MYCT1: variants seen among roughly 807,000 people sequenced by gnomAD.
MYCT1 encodes myc target protein 1.
MYCT1 carries 12 observed loss-of-function variants against 15.0 expected under a neutral mutation model. That is an observed-to-expected ratio of 0.80 (90% CI 0.51 to 1.29). The LOEUF (loss-of-function observed/expected upper bound fraction) is 1.29. MYCT1 is among the 50% of genes most tolerant of loss of function. The probability of loss-of-function intolerance (pLI) is 0.00; values close to 1 mark genes in which losing one functional copy is unlikely to be tolerated. For missense variants in MYCT1, 287 were observed against 279.1 expected (o/e 1.03, Z -0.20); for synonymous variants, 104 against 102.7 (o/e 1.01, Z -0.07).
intron 1 of MYCT1, among the ~76,000 whole-genome samples, chr6:152,702,098 G>A (rs2099721422): frequency 6.6e-6 from 1 of 152,114 alleles, no homozygotes; most frequent in East Asian, 1.9e-4. Context: ...CTCATCACAG[G>A]GAGGGCTGGA....
the MYCT1 span, among the ~76,000 whole-genome samples, chr6:152,738,756 T>C: frequency 0.011 from 1,698 of 152,206 alleles, 36 homozygotes; most frequent in African/African-American, 0.038. Flanking sequence ...CTACCATTTG[T>C]TGAGTATTCA....
chr6:152,732,387 T>C, the MYCT1 span, among the ~76,000 whole-genome samples: 1 of 152,216 alleles, frequency 6.6e-6, no homozygotes, highest in South Asian at 2.1e-4. Flanking sequence ...TGATGAGAGT[T>C]GAATTTTCAA....
At chr6:152,700,936 T>C (rs1290049533) in intron 1 of MYCT1, among the ~76,000 whole-genome samples, 1 of 152,190 alleles carries the variant, frequency 6.6e-6, no homozygotes, top group Non-Finnish European at 1.5e-5. Flanking sequence ...CTCAAAAGGA[T>C]TATGCTCTTG....
At chr6:152,717,043 T>A (rs2099723808) in intron 1 of MYCT1, among the ~76,000 whole-genome samples, 1 of 152,172 alleles carries the variant, frequency 6.6e-6, no homozygotes. Context: ...AAATACATTG[T>A]CAAAAGTCTG....
chr6:152,708,307 A>G (rs1429613950), intron 1 of MYCT1, among the ~76,000 whole-genome samples: 3 of 152,042 alleles, frequency 2.0e-5, no homozygotes, highest in Admixed American at 6.6e-5. Context: ...GTATTTTTAT[A>G]TATAAGTCTT....
chr6:152,730,302 CA>C, the MYCT1 span, among the ~76,000 whole-genome samples: 6 of 152,134 alleles, frequency 3.9e-5, no homozygotes, highest in Non-Finnish European at 7.3e-5. Context: ...GACCCAGGTG[CA>C]AAATTCCAGA....
At chr6:152,733,920 A>G in the MYCT1 span, among the ~76,000 whole-genome samples, 4 of 152,048 alleles carry the variant, frequency 2.6e-5, no homozygotes, top group African/African-American at 9.7e-5. Flanking sequence ...TTTATGGCAG[A>G]AAAAATGTTC....
intron 1 of MYCT1, among the ~76,000 whole-genome samples, chr6:152,703,434 A>T (rs775947303): frequency 1.2e-4 from 18 of 152,200 alleles, no homozygotes; most frequent in Admixed American, 2.0e-4. Flanking sequence ...TTCTACAGTG[A>T]ACATCCATAT....
chr6:152,705,339 GA>G (rs1251190270), intron 1 of MYCT1, among the ~76,000 whole-genome samples: 3 of 152,054 alleles, frequency 2.0e-5, no homozygotes, highest in Non-Finnish European at 4.4e-5. Context: ...TACTGAAAGT[GA>G]AAAGCGAAAT....
intron 1 of MYCT1, 81 bp downstream of exon 1, chr6:152,698,179 T>A: frequency 1.3e-6 from 1 of 794,260 alleles, no homozygotes; most frequent in African/African-American, 1.8e-5. Context: ...ACAGTGAAAA[T>A]CTCTGAGACA....
chr6:152,744,218 G>T, the MYCT1 span, among the ~76,000 whole-genome samples: 1 of 152,220 alleles, frequency 6.6e-6, no homozygotes, highest in Non-Finnish European at 1.5e-5. Flanking sequence ...TGTTTCAGCA[G>T]CAGTCTTCAG....
chr6:152,725,186 CA>C (rs1429056457), downstream of MYCT1, among the ~76,000 whole-genome samples: 1 of 151,040 alleles, frequency 6.6e-6, no homozygotes, highest in Non-Finnish European at 1.5e-5. Context: ...CAAGCAAAAA[CA>C]AAAAAAGAAG....
chr6:152,741,443 T>C, the MYCT1 span, among the ~76,000 whole-genome samples: 1 of 152,208 alleles, frequency 6.6e-6, no homozygotes, highest in Non-Finnish European at 1.5e-5. Context: ...TTTATTCTTA[T>C]CAGCGCTCAT....
the MYCT1 span, among the ~76,000 whole-genome samples, chr6:152,747,068 C>T: frequency 6.6e-6 from 1 of 151,842 alleles, no homozygotes; most frequent in Non-Finnish European, 1.5e-5. Context: ...GACAAGAATA[C>T]AAAATCCTGA....
At chr6:152,712,975 A>G (rs1026131778) in intron 1 of MYCT1, among the ~76,000 whole-genome samples, 1 of 152,166 alleles carries the variant, frequency 6.6e-6, no homozygotes, top group Non-Finnish European at 1.5e-5. Context: ...TTTCAGCCTC[A>G]TTTATTCAAA....
chr6:152,731,748 A>ATTT, the MYCT1 span, among the ~76,000 whole-genome samples: 6 of 140,440 alleles, frequency 4.3e-5, no homozygotes, highest in African/African-American at 1.6e-4. Flanking sequence ...AGAGAACGCC[A>ATTT]TTTTTTTTTT....
the MYCT1 span, among the ~76,000 whole-genome samples, chr6:152,739,227 T>C: frequency 6.6e-6 from 1 of 151,790 alleles, no homozygotes; most frequent in African/African-American, 2.4e-5. Context: ...TGATTGGAGA[T>C]TATAATTTAT....
At chr6:152,721,116 G>T (rs2099724621) in intron 1 of MYCT1, among the ~76,000 whole-genome samples, 2 of 152,146 alleles carry the variant, frequency 1.3e-5, no homozygotes. Flanking sequence ...GAGCCCAGTA[G>T]TCTGCACAGG....
At chr6:152,746,425 G>A in the MYCT1 span, among the ~76,000 whole-genome samples, 1 of 152,142 alleles carries the variant, frequency 6.6e-6, no homozygotes, top group Admixed American at 6.5e-5. Flanking sequence ...TGGGCAGGAT[G>A]GCAGAAGATT....
Sources: gnomAD v4.1 joint callset for allele counts (sites outside exome capture counted in the v4.1 genomes callset) on GRCh38, gnomAD v4.1.1 for gene constraint, MANE v1.5 for transcripts, NCBI Gene and HGNC (gene_info 2026-07-23, HGNC 2026-07-21) for gene names.